KIAA1217: variants seen among roughly 807,000 people sequenced by gnomAD.
The protein encoded by KIAA1217 is sickle tail protein homolog.
A neutral mutation model predicts 163.9 loss-of-function variants in KIAA1217; 88 were observed. The observed-to-expected ratio is 0.54, with a 90% CI of 0.45 to 0.64. KIAA1217 has a LOEUF of 0.64. KIAA1217 is among the 30% of genes least tolerant of loss of function. The pLI, the probability that KIAA1217 is intolerant of heterozygous loss-of-function variation, is 0.00. For synonymous variants in KIAA1217, 903 were observed against 923.1 expected (o/e 0.98, Z 0.39); for missense variants, 2,372 against 2,475.0 (o/e 0.96, Z 0.88).
chr10:24,239,277 T>C, intron 2 of KIAA1217: 2 of 985,388 alleles, frequency 2.0e-6, no homozygotes, highest in Non-Finnish European at 2.4e-6. Flanking sequence ...AGACAAAAAC[T>C]TCCAGAAGAA....
At chr10:24,411,085 T>G (rs903496524) in intron 3 of KIAA1217, among the ~76,000 whole-genome samples, 1 of 152,230 alleles carries the variant, frequency 6.6e-6, no homozygotes, top group Non-Finnish European at 1.5e-5. Context: ...CAGAATGTAC[T>G]GTGCATGTCA....
At chr10:24,495,082 CT>C (rs2066619870) in intron 7 of KIAA1217, 64 bp from the exon 8 acceptor site, 58 of 1,171,324 alleles carry the variant, frequency 5.0e-5, no homozygotes, top group African/African-American at 1.1e-4. Flanking sequence ...ATGGAATGGG[CT>C]TTAAAAAAAA....
At chr10:24,325,781 A>G (rs1249337266) in intron 2 of KIAA1217, among the ~76,000 whole-genome samples, 1 of 152,230 alleles carries the variant, frequency 6.6e-6, no homozygotes, top group Non-Finnish European at 1.5e-5. Flanking sequence ...TGAAATGTAC[A>G]TACATTTCAG....
chr10:24,210,953 T>C (rs916693669), intron 1 of KIAA1217, among the ~76,000 whole-genome samples: 1 of 151,960 alleles, frequency 6.6e-6, no homozygotes, highest in African/African-American at 2.4e-5. Flanking sequence ...TTTTTTTTTT[T>C]AGTATAAGTA....
chr10:24,258,327 G>GAC (rs907435482), intron 2 of KIAA1217, among the ~76,000 whole-genome samples: 336 of 152,076 alleles, frequency 2.2e-3, no homozygotes, highest in African/African-American at 7.9e-3. Flanking sequence ...CAGACCCACA[G>GAC]ACACACACAC....
At chr10:24,235,691 A>G (rs1365968378) in intron 2 of KIAA1217, among the ~76,000 whole-genome samples, 1 of 152,192 alleles carries the variant, frequency 6.6e-6, no homozygotes, top group African/African-American at 2.4e-5. Context: ...GACTAAATAC[A>G]GCCTGCAGCT....
chr10:23,954,373 T>A (rs1844466080), intron 1 of KIAA1217, among the ~76,000 whole-genome samples: 3 of 152,040 alleles, frequency 2.0e-5, no homozygotes, highest in Non-Finnish European at 4.4e-5. Context: ...AAGACCAGCC[T>A]AGGCAACATA....
At chr10:24,212,008 A>G (rs2068192187) in intron 1 of KIAA1217, among the ~76,000 whole-genome samples, 1 of 151,714 alleles carries the variant, frequency 6.6e-6, no homozygotes, top group African/African-American at 2.4e-5. Context: ...ACACCACTGC[A>G]CTCTAGCCTG....
intron 1 of KIAA1217, among the ~76,000 whole-genome samples, chr10:24,216,014 T>A (rs2068768385): frequency 6.6e-6 from 1 of 152,138 alleles, no homozygotes; most frequent in African/African-American, 2.4e-5. Flanking sequence ...ATCGCATCAA[T>A]CCTTGTTAAG....
intron 1 of KIAA1217, among the ~76,000 whole-genome samples, chr10:23,769,567 T>C (rs1332074062): frequency 6.6e-6 from 1 of 152,238 alleles, no homozygotes; most frequent in Non-Finnish European, 1.5e-5. Flanking sequence ...AATTATAAAC[T>C]ATAAATTAAG....
intron 2 of KIAA1217, among the ~76,000 whole-genome samples, chr10:24,194,204 A>T (rs997846529): frequency 6.6e-6 from 1 of 151,712 alleles, no homozygotes; most frequent in African/African-American, 2.4e-5. Context: ...AAAAATGAAA[A>T]ATAATCTCCA....
At chr10:24,200,154 T>C (rs1286124332) in intron 2 of KIAA1217, among the ~76,000 whole-genome samples, 3 of 151,844 alleles carry the variant, frequency 2.0e-5, no homozygotes, top group Non-Finnish European at 4.4e-5. Flanking sequence ...TTTCTCTCTT[T>C]CTTTGGTTTG....
intron 2 of KIAA1217, among the ~76,000 whole-genome samples, chr10:24,346,284 T>A (rs2047755175): frequency 6.6e-6 from 1 of 151,970 alleles, no homozygotes; most frequent in African/African-American, 2.4e-5. Context: ...GCTAACACAG[T>A]GAAACACTGT....
chr10:24,520,679 C>CA (rs1163227493), intron 11 of KIAA1217, among the ~76,000 whole-genome samples: 3 of 89,098 alleles, frequency 3.4e-5, no homozygotes, highest in South Asian at 3.7e-4. Flanking sequence ...TATATATACA[C>CA]ACACACACAA....
chr10:24,430,745 C>T (rs1164579244), intron 3 of KIAA1217, among the ~76,000 whole-genome samples: 4 of 152,192 alleles, frequency 2.6e-5, no homozygotes, highest in Non-Finnish European at 4.4e-5. Context: ...CTATGAGAAT[C>T]TTATGCTGCT....
intron 14 of KIAA1217, among the ~76,000 whole-genome samples, chr10:24,528,598 G>C (rs996990917): frequency 2.0e-5 from 3 of 152,110 alleles, no homozygotes; most frequent in African/African-American, 7.2e-5. Context: ...AGAGTAGCTA[G>C]AATTACAGGC....
At chr10:24,368,859 A>G in intron 2 of KIAA1217, 1 of 984,468 alleles carries the variant, frequency 1.0e-6, no homozygotes, top group Non-Finnish European at 1.2e-6. Flanking sequence ...GGAAAGCTAA[A>G]TGGTTGGCAT....
intron 1 of KIAA1217, among the ~76,000 whole-genome samples, chr10:23,817,586 A>C (rs558474051): frequency 1.3e-5 from 2 of 152,282 alleles, no homozygotes; most frequent in East Asian, 3.9e-4. Context: ...CACAGTTTTT[A>C]TAACTATGAA....
chr10:24,254,244 C>A (rs972826505), intron 2 of KIAA1217, among the ~76,000 whole-genome samples: 2 of 152,236 alleles, frequency 1.3e-5, no homozygotes, highest in African/African-American at 4.8e-5. Context: ...ATGCCCTTAA[C>A]ACCGGGCATT....
Sources: gnomAD v4.1 joint callset for allele counts (sites outside exome capture counted in the v4.1 genomes callset) on GRCh38, gnomAD v4.1.1 for gene constraint, MANE v1.5 for transcripts, NCBI Gene and HGNC (gene_info 2026-07-23, HGNC 2026-07-21) for gene names.